The following SCYGR6 variants were observed in gnomAD, a reference collection of about 807,000 sequenced individuals.
The protein encoded by SCYGR6 is small cysteine and glycine repeat-containing protein 6.
At position 227,724,463 on chromosome 2, in the gene SCYGR6, AGC is replaced by A. The variant is rs1696522554; in HGVS notation, c.293_294del (p.Cys98LeufsTer?). 2.0e-5 allele frequency: 7 copies of A among 355,386 alleles called. No individual in the cohort carries two copies. Among genetic ancestry groups the A allele is most frequent in the Non-Finnish European group, 2.8e-5 (6 of 211,314 alleles). 22.0% of individuals were successfully genotyped at this position (355,386 alleles called of 1,614,324 possible). A position where few individuals can be genotyped will look rare whatever the true frequency, so the allele number is the denominator to read the frequency against. ...GCCTAGCAGCAGCATTGCTTCTTGCAGCAGCCCTTCTGCTGACAGCAGCCCTT... is the reference window on the plus strand; with the variant it reads ...GCCTAGCAGCAGCATTGCTTCTTGCAAGCCCTTCTGCTGACAGCAGCCCTT... On this transcript the variant is annotated frameshift_variant, in exon 1 of 1. Coordinates refer to ENST00000641918, the Ensembl canonical transcript of SCYGR6. LOFTEE classifies it high-confidence loss of function.
At chr2:227,724,491 C>CTGCTGGCAACAGCCCTTA (rs1696525284) in exon 1 of SCYGR6, 1 of 396,510 alleles carries the variant, frequency 2.5e-6, no homozygotes, top group Non-Finnish European at 4.4e-6. Context: ...AGCAGCCCTT[C>CTGCTGGCAACAGCCCTTA]TGCTGGCAAC....
At chr2:227,724,621 C>A in exon 1 of SCYGR6, 1 of 400,546 alleles carries the variant, frequency 2.5e-6, no homozygotes, top group Non-Finnish European at 4.4e-6. Flanking sequence ...GCAGCTGGAG[C>A]AGCAGCCCAC....
At chr2:227,724,444 C>A (rs1013763724) in exon 1 of SCYGR6, 5 of 398,658 alleles carry the variant, frequency 1.3e-5, no homozygotes, top group African/African-American at 1.0e-4. Context: ...GCCCGCCTAG[C>A]AGCAGCATTG....
exon 1 of SCYGR6, chr2:227,724,509 CCCACAG>C (rs2106126451): frequency 2.5e-6 from 1 of 398,910 alleles, no homozygotes; most frequent in Non-Finnish European, 4.4e-6. Flanking sequence ...AACAGCCCTT[CCCACAG>C]CCACAGCCGC....
chr2:227,724,742 A>C, exon 1 of SCYGR6: 1 of 408,134 alleles, frequency 2.5e-6, no homozygotes, highest in South Asian at 1.2e-4. Context: ...CAGCCACCAC[A>C]CCCACAGCAA....
exon 1 of SCYGR6, chr2:227,724,712 A>C (rs996190753): frequency 4.9e-5 from 20 of 411,328 alleles, no homozygotes; most frequent in Admixed American, 8.7e-5. Flanking sequence ...CCACCACCGC[A>C]GCCACCGCAG....
chr2:227,724,566 G>A (rs544411501), exon 1 of SCYGR6: 23 of 398,464 alleles, frequency 5.8e-5, no homozygotes, highest in African/African-American at 6.2e-5. Context: ...AACAGATCAC[G>A]GGCGTGCTGC....
At chr2:227,724,505 C>T (rs1025764801) in exon 1 of SCYGR6, 24 of 398,796 alleles carry the variant, frequency 6.0e-5, no homozygotes, top group Non-Finnish European at 8.4e-5. Flanking sequence ...TGGCAACAGC[C>T]CTTCCCACAG....
At chr2:227,724,674 GCAGCCACCACCA>G (rs1235181898) in exon 1 of SCYGR6, 8 of 407,538 alleles carry the variant, frequency 2.0e-5, no homozygotes, top group South Asian at 1.2e-4. Context: ...AGCCACCACC[GCAGCCACCACCA>G]CAGCCACCAC....
exon 1 of SCYGR6, chr2:227,724,710 G>A (rs907427609): frequency 1.4e-4 from 57 of 410,454 alleles, no homozygotes; most frequent in South Asian, 4.7e-4. Flanking sequence ...AGCCACCACC[G>A]CAGCCACCGC....
chr2:227,724,441 T>C (rs1055375971), exon 1 of SCYGR6: 2 of 398,620 alleles, frequency 5.0e-6, no homozygotes, highest in Admixed American at 4.4e-5. Context: ...CTGGCCCGCC[T>C]AGCAGCAGCA....
exon 1 of SCYGR6, chr2:227,724,723 C>T (rs1346087105): frequency 1.2e-5 from 5 of 412,282 alleles, no homozygotes; most frequent in Non-Finnish European, 2.1e-5. Context: ...GCCACCGCAG[C>T]CACCACCGCA....
In SCYGR6 at chr2:227,724,670, C is replaced by A. The variant is rs910210158; in HGVS notation, c.88G>T (p.Gly30Cys). 9 of 406,608 alleles carry A rather than the reference C, an allele frequency of 2.2e-5. No homozygotes were observed. In the Admixed American group the frequency reaches 3.1e-4, roughly 14 times the overall value. The allele number at this position is 406,608 out of a possible 1,614,324, so 25.2% of individuals were successfully genotyped here. A position where few individuals can be genotyped will look rare whatever the true frequency, so the allele number is the denominator to read the frequency against. ...CAGGTGGTGCAGCTGCCACAGCCAC[C>A]ACCGCAGCCACCACCACAGCCACCA... The change falls in exon 1 of 1, where the codon GGT becomes TGT. Residue 30 changes from glycine (G) to cysteine (C), a missense_variant. Physicochemically the swap from Gly to Cys is radical, Grantham distance 159 (BLOSUM62 -3). Coordinates refer to ENST00000641918, the Ensembl canonical transcript of SCYGR6.
chr2:227,724,677 G>A (rs923155774), exon 1 of SCYGR6: 3 of 408,022 alleles, frequency 7.4e-6, no homozygotes, highest in Non-Finnish European at 1.3e-5. Flanking sequence ...CACCACCGCA[G>A]CCACCACCAC....
chr2:227,724,470 C>T (rs1696522796), exon 1 of SCYGR6: 1 of 357,548 alleles, frequency 2.8e-6, no homozygotes, highest in East Asian at 4.3e-5. Flanking sequence ...TGCAGCAGCC[C>T]TTCTGCTGAC....
chr2:227,724,596 G>T (rs1006055010), exon 1 of SCYGR6: 2 of 399,428 alleles, frequency 5.0e-6, no homozygotes, highest in Non-Finnish European at 8.8e-6. Context: ...CACAGCAGCC[G>T]CGGCAGCAGG....
At position 227,724,545 on chromosome 2, in the gene SCYGR6, G is replaced by A. The variant is rs926984012; in HGVS notation, c.213C>T (p.Arg71=). ...AGCCGCAGCCACATGAGTGGCAGGT[G>A]CGGCGGCAGCAACAGATCACGGGCG... The change falls in exon 1 of 1, where the codon CGC becomes CGT. Residue 71 remains arginine, a synonymous_variant. Transcript: ENST00000641918. 4 of 398,070 alleles carry A rather than the reference G, an allele frequency of 1.0e-5. No homozygotes were observed. The East Asian group carries it at 1.1e-4, about 11-fold the overall frequency. 24.7% of individuals were successfully genotyped at this position (398,070 alleles called of 1,614,324 possible).
In SCYGR6 at chr2:227,724,472, TCTGCTGACAGCAGC is replaced by T. The variant is rs1696522857; in HGVS notation, c.272_285del (p.Gly91GlufsTer?). 1 of 357,966 alleles carries T rather than the reference TCTGCTGACAGCAGC, an allele frequency of 2.8e-6. No individual in the cohort carries two copies. Among genetic ancestry groups the T allele is most frequent in the African/African-American group, 3.1e-5 (1 of 32,082 alleles). The allele number at this position is 357,966 out of a possible 1,614,324, so 22.2% of individuals were successfully genotyped here. On this transcript the variant is annotated frameshift_variant, in exon 1 of 1. Coordinates refer to ENST00000641918, the Ensembl canonical transcript of SCYGR6. LOFTEE classifies it high-confidence loss of function. ...CAGCATTGCTTCTTGCAGCAGCCCT[TCTGCTGACAGCAGC>T]CCTTCTGCTGGCAACAGCCCTTCCC...
chr2:227,724,692 A>G (rs1696530724), exon 1 of SCYGR6: 3 of 410,038 alleles, frequency 7.3e-6, no homozygotes, highest in Middle Eastern at 6.1e-4. Flanking sequence ...CACCACAGCC[A>G]CCACTGCAGC....
Sources: allele counts gnomAD v4.1 joint callset, GRCh38; gene constraint gnomAD v4.1.1; transcripts MANE v1.5; gene names NCBI Gene and HGNC (gene_info 2026-07-23, HGNC 2026-07-21).